The following AK9 variants were observed in gnomAD, a reference collection of about 807,000 sequenced individuals.
AK9 encodes adenylate kinase 9.
Under a neutral mutation model 239.6 loss-of-function variants are expected in AK9, and 191 were observed. That is an observed-to-expected ratio of 0.80 (90% CI 0.71 to 0.90). AK9 has a LOEUF of 0.90. Ranked by LOEUF, AK9 falls within the 40% of genes least tolerant of loss-of-function variation. The pLI is 0.00. For synonymous variants in AK9, 689 were observed against 721.0 expected (o/e 0.96, Z 0.71); for missense variants, 1,995 against 2,214.7 (o/e 0.90, Z 1.99).
At chr6:109,522,102 G>T (rs1779932300) in intron 29 of AK9, among the ~76,000 whole-genome samples, 1 of 151,984 alleles carries the variant, frequency 6.6e-6, no homozygotes, top group Non-Finnish European at 1.5e-5. Flanking sequence ...TACAAGTGTT[G>T]TCTTTGTCTT....
At chr6:109,543,635 A>T (rs922611200) in intron 26 of AK9, among the ~76,000 whole-genome samples, 2 of 151,936 alleles carry the variant, frequency 1.3e-5, no homozygotes, top group African/African-American at 4.8e-5. Context: ...TTTAGTAGAG[A>T]CGGGGTTTCA....
chr6:109,565,741 G>A (rs560174602), intron 21 of AK9, among the ~76,000 whole-genome samples: 18 of 152,240 alleles, frequency 1.2e-4, no homozygotes, highest in Non-Finnish European at 2.2e-4. Context: ...TCCTAGTTCT[G>A]AAACACAAGT....
chr6:109,676,920 T>C (rs559552284), intron 1 of AK9, among the ~76,000 whole-genome samples: 1 of 152,062 alleles, frequency 6.6e-6, no homozygotes, highest in Admixed American at 6.5e-5. Flanking sequence ...CCATGAAAAA[T>C]AAGATCATGT....
At chr6:109,508,357 CT>C (rs1211520585) in intron 33 of AK9, among the ~76,000 whole-genome samples, 2 of 152,152 alleles carry the variant, frequency 1.3e-5, no homozygotes, top group Non-Finnish European at 2.9e-5. Context: ...GGAATGAAAT[CT>C]TTTTGACTCA....
intron 38 of AK9, among the ~76,000 whole-genome samples, chr6:109,496,748 A>T (rs758606995): frequency 6.6e-6 from 1 of 152,086 alleles, no homozygotes; most frequent in East Asian, 1.9e-4. Context: ...GAGCTCAAAC[A>T]TGCTATCATA....
intron 29 of AK9, among the ~76,000 whole-genome samples, chr6:109,519,451 C>T: frequency 6.6e-6 from 1 of 152,032 alleles, no homozygotes; most frequent in East Asian, 1.9e-4. Flanking sequence ...ATAAGTATTC[C>T]CTTTTCTTTG....
chr6:109,601,790 T>C (rs1215883485), intron 17 of AK9, among the ~76,000 whole-genome samples: 1 of 152,012 alleles, frequency 6.6e-6, no homozygotes, highest in Non-Finnish European at 1.5e-5. Flanking sequence ...ATGTTTAGGA[T>C]AGTTAGCTCT....
intron 17 of AK9, among the ~76,000 whole-genome samples, chr6:109,590,200 T>C (rs963684778): frequency 1.2e-4 from 18 of 152,128 alleles, no homozygotes; most frequent in African/African-American, 4.1e-4. Context: ...GGCCCTGGGC[T>C]TTTTTGTTAC....
intron 5 of AK9, among the ~76,000 whole-genome samples, chr6:109,668,322 A>G (rs1302076887): frequency 6.6e-6 from 1 of 151,870 alleles, no homozygotes; most frequent in Non-Finnish European, 1.5e-5. Flanking sequence ...AGTAGGTTGC[A>G]AAAATTTTCT....
intron 19 of AK9, among the ~76,000 whole-genome samples, chr6:109,583,350 C>T (rs377131355): frequency 3.9e-5 from 6 of 152,014 alleles, no homozygotes; most frequent in Admixed American, 2.0e-4. Flanking sequence ...AATTATCTTG[C>T]CATTTGACTA....
At chr6:109,676,806 A>C (rs564824646) in intron 1 of AK9, among the ~76,000 whole-genome samples, 1 of 152,158 alleles carries the variant, frequency 6.6e-6, no homozygotes, top group South Asian at 2.1e-4. Context: ...TATGCTCATC[A>C]CAACACTACT....
intron 29 of AK9, among the ~76,000 whole-genome samples, 156 bp from the exon 30 acceptor site, chr6:109,516,798 C>T (rs529495941): frequency 9.1e-4 from 139 of 152,224 alleles, no homozygotes; most frequent in African/African-American, 3.3e-3. Flanking sequence ...AAATATCTGA[C>T]ACTTTTGGGG....
intron 1 of AK9, among the ~76,000 whole-genome samples, chr6:109,686,454 A>G (rs1016129315): frequency 6.6e-6 from 1 of 152,218 alleles, no homozygotes. Flanking sequence ...AAAGCGCACT[A>G]AAGAATACTG....
chr6:109,537,991 C>A (rs1226433513), intron 27 of AK9, among the ~76,000 whole-genome samples: 1 of 152,106 alleles, frequency 6.6e-6, no homozygotes, highest in East Asian at 1.9e-4. Flanking sequence ...AATTTCTGTT[C>A]TTTTACATTT....
chr6:109,582,959 C>T (rs1789040313), intron 19 of AK9, among the ~76,000 whole-genome samples: 1 of 152,152 alleles, frequency 6.6e-6, no homozygotes, highest in Non-Finnish European at 1.5e-5. Context: ...GATTGACTCA[C>T]TAAAGGCTCA....
intron 36 of AK9, among the ~76,000 whole-genome samples, chr6:109,498,464 T>C (rs984631992): frequency 5.9e-5 from 9 of 152,376 alleles, no homozygotes; most frequent in African/African-American, 2.2e-4. Flanking sequence ...ACAACAATTC[T>C]AATTCTGCAA....
At chr6:109,589,840 T>A (rs1789988727) in intron 17 of AK9, among the ~76,000 whole-genome samples, 1 of 152,222 alleles carries the variant, frequency 6.6e-6, no homozygotes, top group African/African-American at 2.4e-5. Flanking sequence ...TTTTTGTTTT[T>A]AATTCTGTTT....
At chr6:109,574,842 C>CT (rs1365189830) in intron 20 of AK9, among the ~76,000 whole-genome samples, 8 of 152,032 alleles carry the variant, frequency 5.3e-5, no homozygotes, top group African/African-American at 1.9e-4. Context: ...AATGTGTAGT[C>CT]TTTTATTCCT....
intron 6 of AK9, among the ~76,000 whole-genome samples, 198 bp from the exon 7 acceptor site, chr6:109,659,611 T>G (rs575984762): frequency 6.6e-6 from 1 of 152,318 alleles, no homozygotes; most frequent in South Asian, 2.1e-4. Flanking sequence ...TTATGCTATA[T>G]GTTTTTATTT....
Sources: gnomAD v4.1 joint callset for allele counts (sites outside exome capture counted in the v4.1 genomes callset) on GRCh38, gnomAD v4.1.1 for gene constraint, MANE v1.5 for transcripts, NCBI Gene and HGNC (gene_info 2026-07-23, HGNC 2026-07-21) for gene names.